WSCD2: variants seen among roughly 807,000 people sequenced by gnomAD.
WSCD2 encodes WSC domain sialate O sulfotransferase 2.
A neutral mutation model predicts 55.7 loss-of-function variants in WSCD2; 28 were observed. The observed-to-expected ratio is 0.50, with a 90% confidence interval of 0.37 to 0.69. The LOEUF is 0.69. Among genes scored for constraint, WSCD2 ranks in the 30% least tolerant of loss-of-function variants. The probability of loss-of-function intolerance (pLI) is 0.00; values close to 1 mark genes in which losing one functional copy is unlikely to be tolerated. For missense variants in WSCD2, 616 were observed against 762.1 expected, an observed-to-expected ratio of 0.81 and a Z score of 2.26; for synonymous variants, 301 against 301.9, an observed-to-expected ratio of 1.00 and a Z score of 0.03.
At position 108,239,560 on chromosome 12, in the gene WSCD2, GCTA is replaced by G. The variant is rs75848011; in HGVS notation, c.1145-783_1145-781del. Among the ~76,000 whole-genome samples, 1,009 of 152,272 alleles carry G rather than the reference GCTA, an allele frequency of 6.6e-3. 5 individuals carry two copies. Among genetic ancestry groups the G allele is most frequent in the Non-Finnish European group, 0.011 (734 of 68,028 alleles). On this transcript the variant is annotated intron_variant, in intron 7 of 8. Coordinates refer to ENST00000547525, the MANE Select transcript of WSCD2 (RefSeq NM_014653.4). Reference sequence around the variant, plus strand: ...AACATATGATGTGTCTTGAGACTGTGCTAAAGACCTACTTCCGCCCTCATTCTA... The same window carrying G: ...AACATATGATGTGTCTTGAGACTGTGAAGACCTACTTCCGCCCTCATTCTA...
At chr12:108,178,355 A>G (rs1414997769) in intron 1 of WSCD2, among the ~76,000 whole-genome samples, 1 of 152,112 alleles carries the variant, frequency 6.6e-6, no homozygotes, top group African/African-American at 2.4e-5. Flanking sequence ...CCCCTAATAA[A>G]AAGTATAATC....
At chr12:108,217,469 G>A (rs776293470) in intron 4 of WSCD2, among the ~76,000 whole-genome samples, 6 of 152,172 alleles carry the variant, frequency 3.9e-5, no homozygotes, top group Non-Finnish European at 8.8e-5. Flanking sequence ...CTTGGCTACC[G>A]TGTGTATTCT....
intron 1 of WSCD2, among the ~76,000 whole-genome samples, chr12:108,178,739 G>A (rs7310199): frequency 0.83 from 125,968 of 152,162 alleles, 52,246 homozygotes; most frequent in East Asian, 0.91. Context: ...GCACACCCCA[G>A]TGACCTAATT....
chr12:108,142,796 T>TCC (rs1491388118), intron 1 of WSCD2, among the ~76,000 whole-genome samples: 2 of 150,962 alleles, frequency 1.3e-5, no homozygotes, highest in Non-Finnish European at 3.0e-5. Context: ...TCTCCTTCCT[T>TCC]CTCTCTCTCT....
At chr12:108,157,637 A>G (rs1186654773) in intron 1 of WSCD2, among the ~76,000 whole-genome samples, 1 of 152,216 alleles carries the variant, frequency 6.6e-6, no homozygotes, top group Non-Finnish European at 1.5e-5. Context: ...TCTCTTAAAA[A>G]TGTAGGATAT....
At chr12:108,180,615 C>G (rs1368422630) in intron 1 of WSCD2, among the ~76,000 whole-genome samples, 1 of 152,130 alleles carries the variant, frequency 6.6e-6, no homozygotes, top group East Asian at 1.9e-4. Flanking sequence ...TAAGCAAGAG[C>G]CAGAGGAACA....
Position 108,210,939 on chromosome 12 carries a change from G to A in WSCD2, c.682+634G>A, listed in dbSNP as rs1886070691. On this transcript the variant is annotated intron_variant, in intron 4 of 8. Transcript: ENST00000547525. The surrounding 1 kb of genome is among the most constrained non-coding windows in gnomAD (Gnocchi z 4.3). ...TCTGATTTCCAAACCAACAGAAGGAGGGAGTGAATAAGAGGACAGGAGCTG... is the reference window on the plus strand; with the variant it reads ...TCTGATTTCCAAACCAACAGAAGGAAGGAGTGAATAAGAGGACAGGAGCTG... Among the ~76,000 whole-genome samples, 1 of 152,224 alleles carries A rather than the reference G, an allele frequency of 6.6e-6. No homozygotes were observed. Among genetic ancestry groups the A allele is most frequent in the Non-Finnish European group, 1.5e-5 (1 of 68,046 alleles).
intron 4 of WSCD2, among the ~76,000 whole-genome samples, chr12:108,216,872 G>A (rs4964238): frequency 0.45 from 67,763 of 152,174 alleles, 16,349 homozygotes; most frequent in East Asian, 0.59. Flanking sequence ...GTCCCTCACA[G>A]GCCCTAAGGC....
At chr12:108,209,734 A>T (rs1264553487) in intron 3 of WSCD2, among the ~76,000 whole-genome samples, 1 of 151,808 alleles carries the variant, frequency 6.6e-6, no homozygotes, top group Non-Finnish European at 1.5e-5. Context: ...GGGTCTCCTT[A>T]TCCCAGACCC....
intron 1 of WSCD2, among the ~76,000 whole-genome samples, chr12:108,161,567 C>T (rs1003623242): frequency 6.6e-6 from 1 of 152,156 alleles, no homozygotes; most frequent in Non-Finnish European, 1.5e-5. Flanking sequence ...CTCTCACAGC[C>T]CCCAGAGGGA....
At chr12:108,234,061 C>T (rs965323193) in intron 7 of WSCD2, among the ~76,000 whole-genome samples, 1 of 152,116 alleles carries the variant, frequency 6.6e-6, no homozygotes, top group Non-Finnish European at 1.5e-5. Context: ...TTTTGTCTTC[C>T]CTGGGCCACG....
Position 108,167,089 on chromosome 12 carries a change from G to A in WSCD2, c.-551-28193G>A, listed in dbSNP as rs370243624. 2.6e-5 allele frequency among the ~76,000 whole-genome samples: 4 copies of A among 152,068 alleles called. No homozygotes were observed. In the East Asian group the frequency reaches 5.8e-4, roughly 22 times the overall value. ...GGCCTCCCAAAGTGCTGGGATTATAGGCATGAGCCACAGTGGCCGGACTAT... is the reference window on the plus strand; with the variant it reads ...GGCCTCCCAAAGTGCTGGGATTATAAGCATGAGCCACAGTGGCCGGACTAT... On this transcript the variant is annotated intron_variant, in intron 1 of 8. Coordinates refer to ENST00000547525, the MANE Select transcript of WSCD2 (RefSeq NM_014653.4).
chr12:108,144,707 C>G (rs1280617453), intron 1 of WSCD2, among the ~76,000 whole-genome samples: 1 of 152,206 alleles, frequency 6.6e-6, no homozygotes, highest in Admixed American at 6.5e-5. Context: ...ACTGCAGCCC[C>G]AGCAGCCTGG....
At chr12:108,160,261 A>C (rs1398482225) in intron 1 of WSCD2, among the ~76,000 whole-genome samples, 1 of 152,216 alleles carries the variant, frequency 6.6e-6, no homozygotes, top group Non-Finnish European at 1.5e-5. Context: ...AGCTTACTTT[A>C]AATCCCACCT....
At chr12:108,135,559 T>C (rs1717158383) in intron 1 of WSCD2, among the ~76,000 whole-genome samples, 2 of 152,216 alleles carry the variant, frequency 1.3e-5, no homozygotes, top group African/African-American at 4.8e-5. Flanking sequence ...CGGTTGAATG[T>C]CACTACCAGA....
chr12:108,206,955 G>A (rs1445669026), intron 3 of WSCD2, among the ~76,000 whole-genome samples: 1 of 152,252 alleles, frequency 6.6e-6, no homozygotes, highest in Non-Finnish European at 1.5e-5. Flanking sequence ...GAAGGGTAAG[G>A]TGAAGGTATC....
chr12:108,150,877 G>C (rs1877924728), intron 1 of WSCD2, among the ~76,000 whole-genome samples: 1 of 152,086 alleles, frequency 6.6e-6, no homozygotes, highest in African/African-American at 2.4e-5. Context: ...CCTTGTTGGA[G>C]CCTTCAGGAG....
intron 1 of WSCD2, among the ~76,000 whole-genome samples, chr12:108,158,448 T>C (rs1878738814): frequency 1.8e-5 from 2 of 113,584 alleles, no homozygotes; most frequent in Admixed American, 2.7e-4. Context: ...CTTTCTCCTA[T>C]GACAAGTCCC....
At chr12:108,149,665 T>TC (rs886318366) in intron 1 of WSCD2, among the ~76,000 whole-genome samples, 2 of 152,100 alleles carry the variant, frequency 1.3e-5, no homozygotes, top group Non-Finnish European at 2.9e-5. Context: ...CCATGATGTG[T>TC]CCCCCACCCC....
Sources: gnomAD v4.1 joint callset for allele counts (sites outside exome capture counted in the v4.1 genomes callset) on GRCh38, gnomAD v4.1.1 for gene constraint, Gnocchi (gnomAD v3.1) non-coding constraint, MANE v1.5 for transcripts, NCBI Gene and HGNC (gene_info 2026-07-23, HGNC 2026-07-21) for gene names.